The following DDR2 variants were observed in gnomAD, a reference collection of about 807,000 sequenced individuals.
DDR2 encodes discoidin domain receptor tyrosine kinase 2, also known as discoidin domain-containing receptor 2.
A neutral mutation model predicts 94.9 loss-of-function variants in DDR2; 27 were observed. The observed-to-expected ratio is 0.28, with a 90% CI of 0.21 to 0.39. The LOEUF is 0.39. Ranked by LOEUF, DDR2 falls within the 10% of genes least tolerant of loss-of-function variation. The pLI, the probability that DDR2 is intolerant of heterozygous loss-of-function variation, is 1.00. For missense variants in DDR2, 783 were observed against 1,076.0 expected, an observed-to-expected ratio of 0.73 and a Z score of 3.81; for synonymous variants, 382 against 377.2, an observed-to-expected ratio of 1.01 and a Z score of -0.15.
intron 2 of DDR2, among the ~76,000 whole-genome samples, chr1:162,657,623 G>A (rs1658062461): frequency 6.6e-6 from 1 of 152,160 alleles, no homozygotes; most frequent in Admixed American, 6.5e-5. Flanking sequence ...TGGGGCTAGG[G>A]AACTCTGACA....
intron 9 of DDR2, among the ~76,000 whole-genome samples, chr1:162,763,126 C>G (rs997064580): frequency 1.3e-5 from 2 of 148,632 alleles, no homozygotes; most frequent in Non-Finnish European, 3.0e-5. Context: ...CATGAGCCAC[C>G]GTGTCTGGCC....
chr1:162,650,305 A>G (rs1657624728), intron 1 of DDR2, among the ~76,000 whole-genome samples: 1 of 151,934 alleles, frequency 6.6e-6, no homozygotes. Flanking sequence ...AAAAATAATA[A>G]TAATAACAGG....
At chr1:162,760,072 TG>T in intron 8 of DDR2, 93 bp downstream of exon 8, 1 of 1,530,972 alleles carries the variant, frequency 6.5e-7, no homozygotes. Context: ...TCTAGGCTGA[TG>T]CCAGTTCAAT....
chr1:162,744,437 A>G (rs1662755368), intron 3 of DDR2, among the ~76,000 whole-genome samples: 1 of 152,060 alleles, frequency 6.6e-6, no homozygotes, highest in African/African-American at 2.4e-5. Context: ...TTTCACTTAG[A>G]ATTATTTCTA....
intron 1 of DDR2, among the ~76,000 whole-genome samples, chr1:162,643,701 G>A (rs1046021439): frequency 9.2e-5 from 14 of 152,174 alleles, no homozygotes; most frequent in African/African-American, 3.4e-4. Flanking sequence ...GTCTGGTCTC[G>A]AACTCCTGAC....
At position 162,785,170 on chromosome 1, in the gene DDR2, A is replaced by G. The variant is rs905187286; in HGVS notation, c.*4924A>G. ...ACACAAAACACAGTAAGACCTGTTC[A>G]TAGCTTGTTGTCTAGAAAACCAGGT... is the stretch of plus-strand genomic sequence containing the variant. On this transcript the variant is annotated 3_prime_UTR_variant, in exon 18 of 18. Transcript: ENST00000367921. 35 of 152,184 alleles carry G rather than the reference A, an allele frequency of 2.3e-4. No individual in the cohort carries two copies. Among genetic ancestry groups the G allele is most frequent in the Non-Finnish European group, 4.3e-4 (29 of 68,020 alleles). 9.4% of individuals were successfully genotyped at this position (152,184 alleles called of 1,614,324 possible).
chr1:162,648,964 C>G (rs1053192209), intron 1 of DDR2, among the ~76,000 whole-genome samples: 2 of 152,136 alleles, frequency 1.3e-5, no homozygotes, highest in African/African-American at 2.4e-5. Context: ...ACTAGGACTA[C>G]TTGTTGCTTC....
intron 2 of DDR2, among the ~76,000 whole-genome samples, chr1:162,657,188 G>A (rs1440073058): frequency 6.6e-6 from 1 of 151,910 alleles, no homozygotes; most frequent in African/African-American, 2.4e-5. Context: ...AATATTCAAG[G>A]CATATGCTAT....
rs111687517 is a variant in DDR2 at position 162,741,840 on chromosome 1, G to A, written c.83-11255G>A. The A allele has an allele frequency of 1.6e-4, 121 of 737,142 alleles. 1 individual carries two copies. The African/African-American group carries it at 2.1e-3, about 13-fold the overall frequency. 45.7% of individuals were successfully genotyped at this position (737,142 alleles called of 1,614,324 possible). On this transcript the variant is annotated intron_variant, in intron 3 of 17. Coordinates refer to ENST00000367921, the MANE Select transcript of DDR2 (RefSeq NM_006182.4). ...CCAGAAGCCTCTCTTTATTCATTAAGTCACTGGTGACAAGGACTAAAACAC... is the reference window on the plus strand; with the variant it reads ...CCAGAAGCCTCTCTTTATTCATTAAATCACTGGTGACAAGGACTAAAACAC...
At chr1:162,662,140 C>T (rs1181901402) in intron 2 of DDR2, among the ~76,000 whole-genome samples, 1 of 152,120 alleles carries the variant, frequency 6.6e-6, no homozygotes, top group Non-Finnish European at 1.5e-5. Context: ...GTTTTAAAGC[C>T]AAAGTTATTA....
intron 2 of DDR2, among the ~76,000 whole-genome samples, chr1:162,666,499 C>G (rs1658574746): frequency 6.6e-6 from 1 of 152,142 alleles, no homozygotes; most frequent in South Asian, 2.1e-4. Flanking sequence ...ATTGCTCTGA[C>G]TTACTAGTTA....
intron 1 of DDR2, among the ~76,000 whole-genome samples, chr1:162,654,794 T>C (rs6692297): frequency 0.83 from 126,956 of 152,096 alleles, 53,621 homozygotes; most frequent in Middle Eastern, 0.93. Flanking sequence ...TTGCAGCACA[T>C]TGAATCCAGA....
At chr1:162,687,035 G>A (rs1037214885) in intron 2 of DDR2, among the ~76,000 whole-genome samples, 3 of 152,228 alleles carry the variant, frequency 2.0e-5, no homozygotes, top group Admixed American at 2.0e-4. Context: ...GCTCAGGAGG[G>A]CTCCTGACTG....
intron 3 of DDR2, among the ~76,000 whole-genome samples, chr1:162,724,123 G>C (rs1661543448): frequency 6.6e-6 from 1 of 152,144 alleles, no homozygotes; most frequent in Non-Finnish European, 1.5e-5. Flanking sequence ...AGGAAACTGG[G>C]AGTCAAAGCA....
intron 2 of DDR2, among the ~76,000 whole-genome samples, chr1:162,687,428 A>G (rs1659737729): frequency 6.6e-6 from 1 of 152,222 alleles, no homozygotes; most frequent in Admixed American, 6.5e-5. Flanking sequence ...GAGCTTGCTT[A>G]TCATTTCCAG....
In DDR2 at chr1:162,778,184, T is replaced by C. The variant is rs563092454; in HGVS notation, c.2284-396T>C. On this transcript the variant is annotated intron_variant, in intron 16 of 17. Transcript: ENST00000367921. ...CTGTGATTATCACTGAACTGGTAAA[T>C]GAGAGTCCTGGATTCACTGCAGGCA... Among the ~76,000 whole-genome samples, 9 of 152,306 alleles carry C rather than the reference T, an allele frequency of 5.9e-5. No individual in the cohort carries two copies. In the South Asian group the frequency reaches 1.9e-3, roughly 32 times the overall value.
In DDR2 at chr1:162,770,522, A is replaced by G; in HGVS notation, c.1504+10A>G. On this transcript the variant is annotated intron_variant, in intron 12 of 17. Transcript: ENST00000367921. ...GGGGAGGAGGAGTCAGGTGAGGATG[A>G]TGTGGTGGGCAGGGTGTCAAGGGAG... is the stretch of plus-strand genomic sequence containing the variant. 3 of 1,613,946 alleles carry G rather than the reference A, an allele frequency of 1.9e-6. No homozygotes were observed. Among genetic ancestry groups the G allele is most frequent in the Non-Finnish European group, 2.5e-6 (3 of 1,179,894 alleles).
At chr1:162,736,116 C>T (rs531466794) in intron 3 of DDR2, among the ~76,000 whole-genome samples, 1 of 152,348 alleles carries the variant, frequency 6.6e-6, no homozygotes, top group African/African-American at 2.4e-5. Context: ...GGCTACACAG[C>T]ACAGTCACCT....
At chr1:162,666,428 A>G (rs1345662746) in intron 2 of DDR2, among the ~76,000 whole-genome samples, 2 of 152,204 alleles carry the variant, frequency 1.3e-5, no homozygotes, top group Non-Finnish European at 2.9e-5. Context: ...TTCGATGGCA[A>G]TGGGTCAGTG....
Sources: allele counts gnomAD v4.1 joint callset (sites outside exome capture counted in the v4.1 genomes callset), GRCh38; gene constraint gnomAD v4.1.1; transcripts MANE v1.5; gene names NCBI Gene and HGNC (gene_info 2026-07-23, HGNC 2026-07-21).